ZFHX4: variants seen among roughly 807,000 people sequenced by gnomAD.
ZFHX4 encodes zinc finger homeobox 4.
In ZFHX4, 56 loss-of-function variants were observed where a neutral mutation model predicts 267.6. The observed-to-expected ratio is 0.21, with a 90% CI of 0.17 to 0.26. The LOEUF is 0.26. ZFHX4 is among the 10% of genes least tolerant of loss of function. ZFHX4 has a pLI of 1.00. For missense variants in ZFHX4, 4,332 were observed against 4,420.0 expected (o/e 0.98, Z 0.56); for synonymous variants, 1,778 against 1,665.6 (o/e 1.07, Z -1.64).
At chr8:76,817,131 T>C (rs1035657806) in intron 4 of ZFHX4, among the ~76,000 whole-genome samples, 1 of 152,116 alleles carries the variant, frequency 6.6e-6, no homozygotes, top group Non-Finnish European at 1.5e-5. Context: ...AGATAGAATA[T>C]TGTGGATTGT....
chr8:76,715,538 C>T (rs1808548416), intron 3 of ZFHX4, among the ~76,000 whole-genome samples: 1 of 144,248 alleles, frequency 6.9e-6, no homozygotes, highest in South Asian at 2.3e-4. Flanking sequence ...ATTACAACTA[C>T]CATCCACCCC....
intron 4 of ZFHX4, among the ~76,000 whole-genome samples, chr8:76,825,511 T>C (rs1179364565): frequency 6.6e-6 from 1 of 152,246 alleles, no homozygotes; most frequent in Non-Finnish European, 1.5e-5. Context: ...GCAGGGTTGC[T>C]GTAGCAGAAG....
chr8:76,845,107 A>C (rs1463020665), intron 6 of ZFHX4, among the ~76,000 whole-genome samples: 2 of 152,132 alleles, frequency 1.3e-5, no homozygotes, highest in Admixed American at 6.6e-5. Context: ...AGGAATTAAC[A>C]TATGTTAGGA....
At chr8:76,715,247 C>T (rs1808534223) in intron 3 of ZFHX4, among the ~76,000 whole-genome samples, 1 of 151,992 alleles carries the variant, frequency 6.6e-6, no homozygotes, top group South Asian at 2.1e-4. Flanking sequence ...GATCCCAGCA[C>T]TTTGAGAGGC....
chr8:76,734,467 G>A (rs774157858), intron 3 of ZFHX4, among the ~76,000 whole-genome samples: 19 of 152,042 alleles, frequency 1.2e-4, no homozygotes, highest in South Asian at 2.1e-4. Context: ...TTTCTTTAGC[G>A]TAATTTGCAC....
rs1489518454 is a variant in ZFHX4, at chr8:76,849,019, T to A, written c.3536T>A (p.Leu1179Gln). 3.9e-6 allele frequency: 6 copies of A among 1,552,562 alleles called. No homozygotes were observed. The highest frequency in any genetic ancestry group is 3.4e-4 in the Middle Eastern group (2 of 5,952). Residue 1179 changes from leucine to glutamine, a missense_variant, in exon 7 of 11, where the codon CTA becomes CAA. Around this residue, in one of 7 missense-constraint regions of ZFHX4, gnomAD observed 1,371 missense variants for 1,423.1 expected, o/e 0.96. Coordinates refer to ENST00000651372, the MANE Select transcript of ZFHX4 (RefSeq NM_024721.5). ...GGGATAATCACACCAGAGAAGGAAC[T>A]AAAAGTTAGTGTGGCAGGGGGTACC... The part of the protein sequence containing the change: ...DSGIITPEKE[L>Q]KVSVAGGTQP...
chr8:76,866,805 A>G lies in ZFHX4; in HGVS notation c.*2240A>G, dbSNP rs568063756. On this transcript the variant is annotated 3_prime_UTR_variant, in exon 11 of 11. Transcript: ENST00000651372. ...GCACAGCAGCCAAAAAAAGAAAAAAAAAAGAAAAAAAACTTTAACTGGATG... is the reference window on the plus strand; with the variant it reads ...GCACAGCAGCCAAAAAAAGAAAAAAGAAAGAAAAAAAACTTTAACTGGATG... 4.4e-5 allele frequency: 2 copies of G among 45,448 alleles called. No individual in the cohort carries two copies. Among genetic ancestry groups the G allele is most frequent in the East Asian group, 4.8e-3 (2 of 418 alleles). The allele number at this position is 45,448 out of a possible 1,614,324, so 2.8% of individuals were successfully genotyped here.
In ZFHX4 at chr8:76,863,247, C is replaced by A; in HGVS notation, c.9533C>A (p.Ser3178Ter). 6.2e-7 allele frequency: 1 copy of A among 1,600,248 alleles called. No individual in the cohort carries two copies. Among genetic ancestry groups the A allele is most frequent in the Non-Finnish European group, 8.5e-7 (1 of 1,172,730 alleles). ...CCTCCTCCTCCTTCATCCTCTCTGT[C>A]AGGACAGCAGACCGAGCAACAGAAC... ...PPPPPPSSSL[S>*]GQQTEQQNKE... The change falls in exon 11 of 11, where the codon TCA becomes TAA. Residue 3178 changes from serine to a stop codon, truncating the protein, a stop_gained. Coordinates refer to ENST00000651372, the MANE Select transcript of ZFHX4 (RefSeq NM_024721.5). LOFTEE classifies it high-confidence loss of function.
At chr8:76,737,410 T>A (rs1245412118) in intron 3 of ZFHX4, among the ~76,000 whole-genome samples, 3 of 152,212 alleles carry the variant, frequency 2.0e-5, no homozygotes, top group Non-Finnish European at 2.9e-5. Flanking sequence ...AATAAACAAT[T>A]ACCTGTATAG....
In ZFHX4 at chr8:76,855,251, G is replaced by A. The variant is rs1419984396; in HGVS notation, c.8330G>A (p.Cys2777Tyr). 6.2e-7 allele frequency: 1 copy of A among 1,612,466 alleles called. No homozygotes were observed. The highest frequency in any genetic ancestry group is 8.5e-7 in the Non-Finnish European group (1 of 1,179,418). Residue 2777 changes from cysteine (C) to tyrosine (Y), a missense_variant, in exon 10 of 11, where the codon TGT becomes TAT. Physicochemically the swap from Cys to Tyr is radical, Grantham distance 194. Transcript: ENST00000651372. Reference protein sequence around the residue: ...LLSPSSFKAECSEDVENLNAP... With the variant: ...LLSPSSFKAEYSEDVENLNAP... ...AGCCCTTCTTCTTTTAAAGCAGAGT[G>A]TTCTGAGGATGTAGAGAATTTAAAT...
chr8:76,837,875 G>A (rs1812133404), intron 5 of ZFHX4, among the ~76,000 whole-genome samples: 1 of 152,086 alleles, frequency 6.6e-6, no homozygotes, highest in Non-Finnish European at 1.5e-5. Context: ...GTTCAGAGAA[G>A]ACTTTTTAGA....
At position 76,733,143 on chromosome 8, in the gene ZFHX4, G is replaced by T. The variant is rs112824520; in HGVS notation, c.3093+25095G>T. ...AATGATTGTTCAGGGGTGGCGGTTT[G>T]GGGGATGGGATTGTACAAAGCTTTA... On this transcript the variant is annotated intron_variant, in intron 3 of 10. Coordinates refer to ENST00000651372, the MANE Select transcript of ZFHX4 (RefSeq NM_024721.5). 5.5e-3 allele frequency among the ~76,000 whole-genome samples: 832 copies of T among 152,250 alleles called. 11 individuals carry two copies. The highest frequency in any genetic ancestry group is 0.019 in the African/African-American group (780 of 41,544).
chr8:76,730,789 G>A (rs1231140186), intron 3 of ZFHX4, among the ~76,000 whole-genome samples: 1 of 152,110 alleles, frequency 6.6e-6, no homozygotes, highest in Non-Finnish European at 1.5e-5. Flanking sequence ...CTTGGGGATG[G>A]TTAAGGGATA....
intron 3 of ZFHX4, among the ~76,000 whole-genome samples, chr8:76,740,516 G>T (rs1168353722): frequency 6.6e-6 from 1 of 152,066 alleles, no homozygotes; most frequent in Non-Finnish European, 1.5e-5. Flanking sequence ...GTGTGGGATG[G>T]ATTGGTTTGA....
intron 6 of ZFHX4, among the ~76,000 whole-genome samples, chr8:76,847,405 T>C (rs1054281371): frequency 6.6e-6 from 1 of 152,072 alleles, no homozygotes; most frequent in African/African-American, 2.4e-5. Flanking sequence ...ATATCATAAA[T>C]TATTTTTTCA....
chr8:76,687,081 T>A (rs1807711103), intron 1 of ZFHX4, among the ~76,000 whole-genome samples: 2 of 152,222 alleles, frequency 1.3e-5, no homozygotes, highest in Non-Finnish European at 2.9e-5. Flanking sequence ...ATTGTCAACT[T>A]AGGAGCTTGT....
At chr8:76,780,201 T>C (rs1026409921) in intron 4 of ZFHX4, among the ~76,000 whole-genome samples, 9 of 152,302 alleles carry the variant, frequency 5.9e-5, no homozygotes, top group African/African-American at 1.7e-4. Flanking sequence ...CCATGCTGAA[T>C]GTCAAATCTT....
chr8:76,700,814 G>A (rs1808082560), intron 1 of ZFHX4, among the ~76,000 whole-genome samples: 1 of 152,094 alleles, frequency 6.6e-6, no homozygotes, highest in Admixed American at 6.6e-5. Context: ...GATTTCTTGA[G>A]GACTTTGGTG....
At chr8:76,784,543 C>T (rs1470349868) in intron 4 of ZFHX4, among the ~76,000 whole-genome samples, 1 of 151,908 alleles carries the variant, frequency 6.6e-6, no homozygotes, top group Non-Finnish European at 1.5e-5. Context: ...TTCTTTTTCT[C>T]CTCACACAAT....
Sources: allele counts gnomAD v4.1 joint callset (sites outside exome capture counted in the v4.1 genomes callset), GRCh38; gene constraint gnomAD v4.1.1; regional missense constraint gnomAD v4.1.1; transcripts MANE v1.5; gene names NCBI Gene and HGNC (gene_info 2026-07-23, HGNC 2026-07-21).